BTG4: variants seen among roughly 807,000 people sequenced by gnomAD.
BTG4 encodes protein BTG4.
BTG4 carries 10 observed loss-of-function variants against 19.3 expected under a neutral mutation model. The ratio of observed to expected loss-of-function variants is 0.52; its 90% CI spans 0.32 to 0.88. BTG4 has a LOEUF of 0.88. Ranked by LOEUF, BTG4 falls within the 40% of genes least tolerant of loss-of-function variation. BTG4 has a pLI of 0.04. For missense variants in BTG4, 238 were observed against 281.9 expected, an observed-to-expected ratio of 0.84 and a Z score of 1.11; for synonymous variants, 91 against 95.7, an observed-to-expected ratio of 0.95 and a Z score of 0.29.
chr11:111,513,038 G>A (rs1322904759), upstream of BTG4: 4 of 458,840 alleles, frequency 8.7e-6, no homozygotes, highest in East Asian at 1.4e-4. Context: ...ACCGCCGCCC[G>A]GCCGGGAAGA....
At chr11:111,465,136 C>T (rs1386420438), downstream of BTG4, among the ~76,000 whole-genome samples, 7 of 152,214 alleles carry the variant, frequency 4.6e-5, no homozygotes, top group East Asian at 1.9e-4. Context: ...CAAGAGAGCA[C>T]GTGGCTTTCC....
At chr11:111,503,875 T>C (rs1866261604) in intron 1 of BTG4, among the ~76,000 whole-genome samples, 1 of 152,152 alleles carries the variant, frequency 6.6e-6, no homozygotes, top group African/African-American at 2.4e-5. Context: ...AAGGTAAAAC[T>C]CGAAAATCTG....
intron 1 of BTG4, among the ~76,000 whole-genome samples, chr11:111,507,345 T>C (rs1388133014): frequency 6.6e-6 from 1 of 152,208 alleles, no homozygotes; most frequent in Non-Finnish European, 1.5e-5. Flanking sequence ...TTTATAAACC[T>C]GAAAATCTGA....
the BTG4 span, among the ~76,000 whole-genome samples, chr11:111,434,704 T>TAA: frequency 1.4e-5 from 2 of 143,222 alleles, no homozygotes; most frequent in African/African-American, 5.1e-5. Context: ...AATAATTGTT[T>TAA]AAAAAAAAAA....
chr11:111,514,484 G>A (rs752002193), upstream of BTG4: 36 of 409,900 alleles, frequency 8.8e-5, no homozygotes, highest in Middle Eastern at 1.4e-3. Flanking sequence ...GAGGGGAGAG[G>A]ATGTGGCAGC....
chr11:111,454,502 G>A, the BTG4 span: 1 of 347,068 alleles, frequency 2.9e-6, no homozygotes, highest in Non-Finnish European at 5.7e-6. Flanking sequence ...TCAGAATAAA[G>A]GAGAGTATAT....
At chr11:111,495,790 T>C (rs545572709) in intron 4 of BTG4, among the ~76,000 whole-genome samples, 2 of 152,280 alleles carry the variant, frequency 1.3e-5, no homozygotes, top group South Asian at 2.1e-4. Flanking sequence ...AAAATAAAAA[T>C]AGAATTAAGG....
At chr11:111,505,838 G>GAGA (rs1442862870) in intron 1 of BTG4, among the ~76,000 whole-genome samples, 1 of 151,980 alleles carries the variant, frequency 6.6e-6, no homozygotes, top group Non-Finnish European at 1.5e-5. Flanking sequence ...TTTCTCAGAA[G>GAGA]AAGAAATACA....
the BTG4 span, among the ~76,000 whole-genome samples, chr11:111,419,948 C>T: frequency 6.6e-6 from 1 of 152,224 alleles, no homozygotes; most frequent in Non-Finnish European, 1.5e-5. Context: ...TCAGACTTGG[C>T]TTAGTTTGGC....
chr11:111,429,140 C>T, the BTG4 span, among the ~76,000 whole-genome samples: 2 of 152,184 alleles, frequency 1.3e-5, no homozygotes, highest in East Asian at 1.9e-4. Context: ...CAACCATCAC[C>T]ACTATCTAAT....
chr11:111,441,619 A>T, the BTG4 span, among the ~76,000 whole-genome samples: 1 of 152,046 alleles, frequency 6.6e-6, no homozygotes, highest in Non-Finnish European at 1.5e-5. Flanking sequence ...CTGACTATAA[A>T]CTCCGTGACT....
chr11:111,508,479 ACT>A (rs1165696686), intron 1 of BTG4, among the ~76,000 whole-genome samples: 1 of 151,750 alleles, frequency 6.6e-6, no homozygotes, highest in East Asian at 1.9e-4. Flanking sequence ...ATGGGAACAC[ACT>A]CATTGCTCTT....
chr11:111,471,770 C>T (rs144293564), intron 5 of BTG4, among the ~76,000 whole-genome samples: 145 of 152,332 alleles, frequency 9.5e-4, no homozygotes, highest in Middle Eastern at 3.4e-3. Context: ...TGGCCATCTC[C>T]ACCTGACTGT....
chr11:111,484,903 A>C (rs1220851591), intron 5 of BTG4, among the ~76,000 whole-genome samples: 1 of 152,164 alleles, frequency 6.6e-6, no homozygotes. Flanking sequence ...TCACCTATAA[A>C]GGCACACATA....
chr11:111,460,860 C>A, the BTG4 span, among the ~76,000 whole-genome samples: 1 of 152,134 alleles, frequency 6.6e-6, no homozygotes, highest in Non-Finnish European at 1.5e-5. Context: ...AGCTTTCCTG[C>A]CCATTCCTCT....
intron 1 of BTG4, among the ~76,000 whole-genome samples, chr11:111,511,268 G>C (rs1410018782): frequency 1.6e-4 from 24 of 152,202 alleles, no homozygotes; most frequent in Admixed American, 1.3e-3. Flanking sequence ...GGGGTGTACA[G>C]AACAAAGTAT....
At chr11:111,407,832 A>G in the BTG4 span, among the ~76,000 whole-genome samples, 1 of 152,214 alleles carries the variant, frequency 6.6e-6, no homozygotes, top group African/African-American at 2.4e-5. Flanking sequence ...GGGCAGTTCC[A>G]TGGTGGAGCC....
the BTG4 span, among the ~76,000 whole-genome samples, chr11:111,438,416 C>G: frequency 6.6e-6 from 1 of 152,242 alleles, no homozygotes; most frequent in African/African-American, 2.4e-5. Context: ...GCCTCCACCT[C>G]TGGCCTGACT....
At chr11:111,426,576 C>T in the BTG4 span, among the ~76,000 whole-genome samples, 7 of 151,946 alleles carry the variant, frequency 4.6e-5, no homozygotes, top group East Asian at 1.4e-3. Flanking sequence ...GGGCTCTCCT[C>T]TCACAGTGAC....
Sources: gnomAD v4.1 joint callset for allele counts (sites outside exome capture counted in the v4.1 genomes callset) on GRCh38, gnomAD v4.1.1 for gene constraint, MANE v1.5 for transcripts, NCBI Gene and HGNC (gene_info 2026-07-23, HGNC 2026-07-21) for gene names.